Variants in ZBTB8OS observed in about 807,000 individuals in gnomAD.
ZBTB8OS encodes the protein tRNA splicing ligase complex subunit 1, also known as tRNA-splicing ligase-activating factor archease.
In ZBTB8OS, 16 loss-of-function variants were observed where a neutral mutation model predicts 29.3. The ratio of observed to expected loss-of-function variants is 0.55; its 90% CI spans 0.37 to 0.83. The LOEUF is 0.83. Among genes scored for constraint, ZBTB8OS ranks in the 40% least tolerant of loss-of-function variants. ZBTB8OS has a pLI of 0.00. For missense variants in ZBTB8OS, 160 were observed against 196.9 expected (o/e 0.81, Z 1.12); for synonymous variants, 70 against 64.6 (o/e 1.08, Z -0.40).
Position 32,650,500 on chromosome 1 carries a change from A to C in ZBTB8OS, c.30T>G (p.Asp10Glu). The C allele has an allele frequency of 1.2e-6, 2 of 1,614,028 alleles. No individual in the cohort carries two copies. Among genetic ancestry groups the C allele is most frequent in the South Asian group, 2.2e-5 (2 of 91,082 alleles). MAQEEEDVRDYNLTEEQKAI... is the reference protein window; with the variant it reads MAQEEEDVREYNLTEEQKAI... ...CCTTCTGTTCTTCAGTCAAATTGTA[A>C]TCTCTAACATCTTCCTCTTCCTGCG... The change falls in exon 1 of 7, where the codon GAT (aspartate) becomes GAG (glutamate). Residue 10 changes from aspartate (D) to glutamate (E), a missense_variant. Coordinates refer to ENST00000468695, the MANE Select transcript of ZBTB8OS (RefSeq NM_178547.5).
chr1:32,621,898 T>C lies in ZBTB8OS; in HGVS notation c.468A>G (p.Glu156=), dbSNP rs1230309376. The change falls in exon 7 of 7, where the codon GAA becomes GAG. Residue 156 remains glutamate (E), a synonymous_variant. Transcript: ENST00000468695. ...TGATCACAAAAACTTCCGGGTTCTC[T>C]TCATTATAGACCTGCATTGCTGAAT... is the stretch of plus-strand genomic sequence containing the variant. The part of the protein sequence containing the change: ...ITYSAMQVYN[E]ENPEVFVIID... The C allele has an allele frequency of 4.4e-6, 7 of 1,597,094 alleles. No homozygotes were observed. The East Asian group carries it at 1.3e-4, about 31-fold the overall frequency.
At chr1:32,648,383 A>G (rs143200549) in intron 1 of ZBTB8OS, among the ~76,000 whole-genome samples, 1,674 of 152,374 alleles carry the variant, frequency 0.011, 19 homozygotes, top group Middle Eastern at 0.027. Context: ...ACTTGATTCT[A>G]CAGATTCACT....
chr1:32,633,591 A>G, intron 4 of ZBTB8OS, 54 bp downstream of exon 4: 1 of 1,299,462 alleles, frequency 7.7e-7, no homozygotes, highest in Non-Finnish European at 1.1e-6. Context: ...GTTCTATTTT[A>G]AAATATGAAC....
chr1:32,638,198 A>G (rs984179647), intron 1 of ZBTB8OS, among the ~76,000 whole-genome samples: 2 of 149,632 alleles, frequency 1.3e-5, no homozygotes, highest in African/African-American at 4.9e-5. Context: ...GCTATAGGGC[A>G]GTGGTTCTCA....
intron 1 of ZBTB8OS, among the ~76,000 whole-genome samples, chr1:32,643,396 G>T (rs80288648): frequency 0.02 from 50 of 2,458 alleles, no homozygotes; most frequent in Middle Eastern, 0.25. Context: ...TTAGTTTTTG[G>T]TTTTTTTTTC....
chr1:32,636,572 C>A (rs1273927178), intron 1 of ZBTB8OS, among the ~76,000 whole-genome samples: 1 of 151,886 alleles, frequency 6.6e-6, no homozygotes, highest in Non-Finnish European at 1.5e-5. Flanking sequence ...CACCTGTAAA[C>A]CCATCTACTC....
At chr1:32,628,670 C>T (rs555970917) in intron 5 of ZBTB8OS, among the ~76,000 whole-genome samples, 2 of 149,512 alleles carry the variant, frequency 1.3e-5, no homozygotes, top group East Asian at 4.0e-4. Context: ...AGTGGCCAGG[C>T]ACAGTGGCTC....
At chr1:32,639,749 G>A (rs975768791) in intron 1 of ZBTB8OS, among the ~76,000 whole-genome samples, 6 of 151,766 alleles carry the variant, frequency 4.0e-5, no homozygotes, top group Non-Finnish European at 5.9e-5. Context: ...AACAGAGTAA[G>A]GTCCCAACTC....
chr1:32,626,818 G>A (rs1254663114), intron 6 of ZBTB8OS, among the ~76,000 whole-genome samples: 1 of 152,072 alleles, frequency 6.6e-6, no homozygotes, highest in Non-Finnish European at 1.5e-5. Context: ...CAAAGTGCTG[G>A]GATTACAGGT....
intron 1 of ZBTB8OS, among the ~76,000 whole-genome samples, chr1:32,637,348 G>C (rs1646048771): frequency 6.6e-6 from 1 of 152,062 alleles, no homozygotes. Flanking sequence ...TGGATCACGA[G>C]GTCAGGGGCT....
intron 2 of ZBTB8OS, 109 bp downstream of exon 2, chr1:32,634,659 G>T: frequency 7.1e-7 from 1 of 1,418,348 alleles, no homozygotes; most frequent in South Asian, 1.2e-5. Context: ...TTCATATTGT[G>T]AAGGAACCAA....
At chr1:32,636,844 AT>A (rs1162257807) in intron 1 of ZBTB8OS, among the ~76,000 whole-genome samples, 2 of 151,866 alleles carry the variant, frequency 1.3e-5, no homozygotes, top group East Asian at 3.9e-4. Flanking sequence ...AGGCCCCCAA[AT>A]TTCCTTTCTT....
At chr1:32,644,063 G>T (rs1381137110) in intron 1 of ZBTB8OS, among the ~76,000 whole-genome samples, 2 of 151,946 alleles carry the variant, frequency 1.3e-5, no homozygotes, top group African/African-American at 4.8e-5. Flanking sequence ...GGAAGGGGAG[G>T]GGGGGTCTAG....
At chr1:32,635,567 C>A (rs1390181341) in intron 1 of ZBTB8OS, among the ~76,000 whole-genome samples, 2 of 152,260 alleles carry the variant, frequency 1.3e-5, no homozygotes, top group South Asian at 2.1e-4. Context: ...TGAGCCACTG[C>A]GCCTGGCCCA....
chr1:32,631,677 A>T, intron 5 of ZBTB8OS, 150 bp downstream of exon 5: 1 of 548,196 alleles, frequency 1.8e-6, no homozygotes, highest in Non-Finnish European at 3.3e-6. Flanking sequence ...TTATTTTGTT[A>T]AGTTTCTGGT....
intron 5 of ZBTB8OS, among the ~76,000 whole-genome samples, chr1:32,630,566 A>C (rs1329780164): frequency 6.6e-6 from 1 of 151,412 alleles, no homozygotes; most frequent in Admixed American, 6.6e-5. Context: ...TCAATCAATC[A>C]ATCAATCAAA....
Position 32,621,840 on chromosome 1 carries a change from G to C in ZBTB8OS, c.*22C>G. On this transcript the variant is annotated 3_prime_UTR_variant, in exon 7 of 7. Coordinates refer to ENST00000468695, the MANE Select transcript of ZBTB8OS (RefSeq NM_178547.5). ...GGAAAACAAAAACAGTTCTTCGTAG[G>C]AGTCTTTTATTTTTTGGTGTCTTAA... 1 of 1,506,448 alleles carries C rather than the reference G, an allele frequency of 6.6e-7. No individual in the cohort carries two copies. The highest frequency in any genetic ancestry group is 9.0e-7 in the Non-Finnish European group (1 of 1,106,828). The allele number at this position is 1,506,448 out of a possible 1,614,324, so 93.3% of individuals were successfully genotyped here.
chr1:32,649,865 T>C (rs1452023502), intron 1 of ZBTB8OS, among the ~76,000 whole-genome samples: 1 of 152,022 alleles, frequency 6.6e-6, no homozygotes, highest in African/African-American at 2.4e-5. Context: ...GGTTTTTCCA[T>C]GTTGGTCAGG....
chr1:32,645,498 T>C (rs1646764571), intron 1 of ZBTB8OS, among the ~76,000 whole-genome samples: 1 of 152,172 alleles, frequency 6.6e-6, no homozygotes, highest in Admixed American at 6.5e-5. Context: ...GGAGACCCTT[T>C]CTAGCATACA....
Sources: gnomAD v4.1 joint callset for allele counts (sites outside exome capture counted in the v4.1 genomes callset) on GRCh38, gnomAD v4.1.1 for gene constraint, MANE v1.5 for transcripts, NCBI Gene and HGNC (gene_info 2026-07-23, HGNC 2026-07-21) for gene names.